TNIP3: variants seen among roughly 807,000 people sequenced by gnomAD.
TNIP3 encodes TNFAIP3-interacting protein 3.
In TNIP3, 34 loss-of-function variants were observed where a neutral mutation model predicts 54.1. That is an observed-to-expected ratio of 0.63 (90% CI 0.48 to 0.84). The LOEUF (loss-of-function observed/expected upper bound fraction) is 0.84. Among genes scored for constraint, TNIP3 ranks in the 40% least tolerant of loss-of-function variants. TNIP3 has a pLI of 0.00. For synonymous variants in TNIP3, 134 were observed against 136.8 expected (o/e 0.98, Z 0.14); for missense variants, 366 against 387.6 (o/e 0.94, Z 0.47).
intron 1 of TNIP3, among the ~76,000 whole-genome samples, chr4:121,225,126 G>A (rs891986334): frequency 6.6e-6 from 1 of 152,096 alleles, no homozygotes; most frequent in Non-Finnish European, 1.5e-5. Flanking sequence ...CTTTCTTCTT[G>A]CAGAATTCAT....
intron 1 of TNIP3, among the ~76,000 whole-genome samples, chr4:121,224,318 G>T (rs1011311825): frequency 3.3e-5 from 5 of 151,798 alleles, no homozygotes; most frequent in African/African-American, 9.7e-5. Context: ...AGCAGAGATT[G>T]TGCTACTGCA....
At chr4:121,180,293 G>A (rs999913929) in intron 3 of TNIP3, among the ~76,000 whole-genome samples, 26 of 152,016 alleles carry the variant, frequency 1.7e-4, no homozygotes, top group Non-Finnish European at 2.8e-4. Context: ...CCAGCTACTC[G>A]GGAGGCTGAG....
intron 2 of TNIP3, among the ~76,000 whole-genome samples, chr4:121,203,527 G>A (rs1290572962): frequency 2.0e-5 from 3 of 151,968 alleles, no homozygotes; most frequent in Non-Finnish European, 2.9e-5. Context: ...TACACTTTCC[G>A]GGTGATAGTG....
At chr4:121,205,902 A>G (rs1456171559) in intron 2 of TNIP3, among the ~76,000 whole-genome samples, 1 of 152,164 alleles carries the variant, frequency 6.6e-6, no homozygotes, top group Non-Finnish European at 1.5e-5. Context: ...GAAAGGCCTC[A>G]GAAAACTTAC....
intron 3 of TNIP3, 146 bp from the exon 4 acceptor site, chr4:121,157,389 C>T: frequency 1.0e-6 from 1 of 994,480 alleles, no homozygotes; most frequent in Admixed American, 2.2e-5. Context: ...CCGTCCCGAA[C>T]ACAGATCGGG....
chr4:121,181,021 A>G (rs1724663385), intron 3 of TNIP3, among the ~76,000 whole-genome samples: 1 of 152,170 alleles, frequency 6.6e-6, no homozygotes, highest in Non-Finnish European at 1.5e-5. Context: ...AAATTTCCTC[A>G]ATGAGGTCGT....
chr4:121,154,433 G>T, intron 5 of TNIP3, 118 bp downstream of exon 5: 1 of 1,264,912 alleles, frequency 7.9e-7, no homozygotes, highest in Non-Finnish European at 1.1e-6. Flanking sequence ...ATAATTTCTT[G>T]TGCAAGCCTC....
intron 3 of TNIP3, among the ~76,000 whole-genome samples, chr4:121,181,283 T>C (rs895684893): frequency 1.1e-4 from 16 of 152,182 alleles, no homozygotes; most frequent in Non-Finnish European, 2.4e-4. Flanking sequence ...TGAAATTTCT[T>C]TCTGAGGTTA....
intron 2 of TNIP3, among the ~76,000 whole-genome samples, chr4:121,213,214 C>T (rs956933833): frequency 1.3e-5 from 2 of 152,144 alleles, no homozygotes; most frequent in Non-Finnish European, 2.9e-5. Flanking sequence ...TACCAGAAGG[C>T]ATGAAAAACT....
In TNIP3 at chr4:121,226,436, T is replaced by C. The variant is rs905252722; in HGVS notation, c.3+949A>G. 3.3e-5 allele frequency among the ~76,000 whole-genome samples: 5 copies of C among 152,228 alleles called. No individual in the cohort carries two copies. The South Asian group carries it at 8.3e-4, about 25-fold the overall frequency. On this transcript the variant is annotated intron_variant, in intron 1 of 12. Coordinates refer to the TNIP3 transcript ENST00000509841. Reference sequence around the variant, plus strand: ...TTAACGTTGATCCATTCCACAAATATTTGCTTTTTGCTCATTAGGTTAAGG... The same window carrying C: ...TTAACGTTGATCCATTCCACAAATACTTGCTTTTTGCTCATTAGGTTAAGG...
chr4:121,194,393 T>G (rs1725458078), intron 2 of TNIP3, among the ~76,000 whole-genome samples: 1 of 152,194 alleles, frequency 6.6e-6, no homozygotes, highest in South Asian at 2.1e-4. Context: ...TAAAATTATC[T>G]TTTGCTCAAT....
intron 2 of TNIP3, among the ~76,000 whole-genome samples, chr4:121,211,366 A>G (rs1488228068): frequency 1.3e-5 from 2 of 152,246 alleles, no homozygotes; most frequent in Non-Finnish European, 1.5e-5. Context: ...CTCTAAACTC[A>G]TATTTGAACA....
upstream of TNIP3, among the ~76,000 whole-genome samples, chr4:121,217,427 G>A (rs1726845278): frequency 6.6e-6 from 1 of 152,150 alleles, no homozygotes; most frequent in African/African-American, 2.4e-5. Context: ...TGGCAAGCTG[G>A]CTGTACATAG....
intron 3 of TNIP3, among the ~76,000 whole-genome samples, chr4:121,179,526 G>A (rs545063876): frequency 2.0e-5 from 3 of 152,314 alleles, no homozygotes; most frequent in African/African-American, 7.2e-5. Flanking sequence ...TCAATGATGT[G>A]TGCAAAGAGA....
chr4:121,134,001 A>C (rs1334591521), intron 10 of TNIP3, among the ~76,000 whole-genome samples: 1 of 150,718 alleles, frequency 6.6e-6, no homozygotes, highest in East Asian at 1.9e-4. Flanking sequence ...CAGAGCTATG[A>C]AAAAAAAAGT....
At chr4:121,195,174 A>C (rs866484951) in intron 2 of TNIP3, among the ~76,000 whole-genome samples, 4 of 136,430 alleles carry the variant, frequency 2.9e-5, no homozygotes, top group African/African-American at 1.0e-4. Context: ...AAAACAAAAC[A>C]AAAAAAAAAC....
intron 2 of TNIP3, among the ~76,000 whole-genome samples, chr4:121,184,784 G>GTAAAA (rs1724917318): frequency 6.6e-6 from 1 of 152,142 alleles, no homozygotes; most frequent in Non-Finnish European, 1.5e-5. Flanking sequence ...TGATCCCATT[G>GTAAAA]TAAAATATGG....
At chr4:121,222,957 C>G (rs1020980780) in intron 1 of TNIP3, among the ~76,000 whole-genome samples, 1 of 152,076 alleles carries the variant, frequency 6.6e-6, no homozygotes, top group African/African-American at 2.4e-5. Flanking sequence ...AGGCGCCCAC[C>G]ACCACGCCCG....
At chr4:121,147,226 T>C (rs1245968707) in intron 6 of TNIP3, 52 bp from the exon 7 acceptor site, 12 of 1,566,148 alleles carry the variant, frequency 7.7e-6, no homozygotes, top group Non-Finnish European at 1.0e-5. Context: ...ACTTAAGCCA[T>C]TTAAATGACT....
Sources: gnomAD v4.1 joint callset for allele counts (sites outside exome capture counted in the v4.1 genomes callset) on GRCh38, gnomAD v4.1.1 for gene constraint, MANE v1.5 for transcripts, NCBI Gene and HGNC (gene_info 2026-07-23, HGNC 2026-07-21) for gene names.